UTP18: variants seen among roughly 807,000 people sequenced by gnomAD.
UTP18 encodes UTP18 small subunit processome component.
In UTP18, 36 loss-of-function variants were observed where a neutral mutation model predicts 61.1. The ratio of observed to expected loss-of-function variants is 0.59; its 90% CI spans 0.45 to 0.78. The LOEUF is 0.78. Ranked by LOEUF, UTP18 falls within the 30% of genes least tolerant of loss-of-function variation. The probability of loss-of-function intolerance (pLI) is 0.00; values close to 1 mark genes in which losing one functional copy is unlikely to be tolerated. For missense variants in UTP18, 753 were observed against 693.9 expected, an observed-to-expected ratio of 1.09 and a Z score of -0.96; for synonymous variants, 282 against 251.1, an observed-to-expected ratio of 1.12 and a Z score of -1.16.
At chr17:51,277,339 T>C in intron 7 of UTP18, 35 bp downstream of exon 7, 1 of 1,607,372 alleles carries the variant, frequency 6.2e-7, no homozygotes. Flanking sequence ...AACCAGTCAT[T>C]CCCCCCAAGG....
At chr17:51,273,475 T>A in intron 5 of UTP18, 25 bp downstream of exon 5, 2 of 1,574,342 alleles carry the variant, frequency 1.3e-6, no homozygotes, top group Non-Finnish European at 1.7e-6. Context: ...AGTTGGGGGA[T>A]CCTATCTAAC....
At chr17:51,292,903 T>C (rs1414753217) in intron 11 of UTP18, among the ~76,000 whole-genome samples, 1 of 152,256 alleles carries the variant, frequency 6.6e-6, no homozygotes, top group Admixed American at 6.5e-5. Flanking sequence ...TAGATTTTCA[T>C]GATTCAGCCC....
chr17:51,269,465 C>T (rs955618606), intron 4 of UTP18, among the ~76,000 whole-genome samples: 4 of 151,976 alleles, frequency 2.6e-5, no homozygotes, highest in African/African-American at 9.7e-5. Flanking sequence ...CTTGGAGTTA[C>T]ATGTTTTAGA....
chr17:51,269,048 A>G, intron 4 of UTP18, 144 bp downstream of exon 4: 1 of 757,936 alleles, frequency 1.3e-6, no homozygotes, highest in Non-Finnish European at 2.1e-6. Context: ...GTGCTTTGGG[A>G]GCCCGAGGCG....
In UTP18 at chr17:51,268,910, C is replaced by T. The variant is rs749813973; in HGVS notation, c.622+6C>T. 94 of 1,612,820 alleles carry T rather than the reference C, an allele frequency of 5.8e-5. No homozygotes were observed. Among genetic ancestry groups the T allele is most frequent in the Admixed American group, 1.0e-4 (6 of 59,994 alleles). Reference sequence around the variant, plus strand: ...GCGGAAAACATCTTCAGATGGTGAGCGTTGATATTTCTGTTTAAATTAGTA... The same window carrying T: ...GCGGAAAACATCTTCAGATGGTGAGTGTTGATATTTCTGTTTAAATTAGTA... On this transcript the variant is annotated splice_donor_region_variant and intron_variant, in intron 4 of 13. Transcript: ENST00000225298.
intron 11 of UTP18, 151 bp from the exon 12 acceptor site, chr17:51,293,752 A>G: frequency 2.0e-6 from 1 of 508,710 alleles, no homozygotes. Context: ...TTAATTTTGG[A>G]ACACTTTGCT....
chr17:51,276,131 C>A, intron 6 of UTP18, 140 bp downstream of exon 6: 1 of 800,716 alleles, frequency 1.2e-6, no homozygotes, highest in Non-Finnish European at 1.8e-6. Context: ...CTAAGTCTCA[C>A]AGAAGTGACA....
intron 1 of UTP18, among the ~76,000 whole-genome samples, chr17:51,263,000 T>G (rs542594850): frequency 6.6e-6 from 1 of 152,382 alleles, no homozygotes; most frequent in African/African-American, 2.4e-5. Context: ...TCTTTTGTTC[T>G]TGTCTTACTT....
At chr17:51,274,749 C>G (rs939918862) in intron 5 of UTP18, among the ~76,000 whole-genome samples, 1 of 151,796 alleles carries the variant, frequency 6.6e-6, no homozygotes, top group East Asian at 1.9e-4. Context: ...CCGCGCCCAG[C>G]GACATAGGTC....
rs1354437189 is a variant in UTP18, at chr17:51,283,449, T to C, written c.1205-1796T>C. Among the ~76,000 whole-genome samples, 3 of 152,290 alleles carry C rather than the reference T, an allele frequency of 2.0e-5. No homozygotes were observed. The East Asian group carries it at 5.8e-4, about 29-fold the overall frequency. ...TCCCAAAGTGCTGGGATTATAGGTG[T>C]GAGCCACTGCGTGTGCACCCTTTTC... On this transcript the variant is annotated intron_variant, in intron 9 of 13. Transcript: ENST00000225298.
Position 51,297,014 on chromosome 17 carries a change from C to T in UTP18, c.*14+11C>T, listed in dbSNP as rs767111503. 5.6e-6 allele frequency: 9 copies of T among 1,599,452 alleles called. No homozygotes were observed. Among genetic ancestry groups the T allele is most frequent in the Non-Finnish European group, 6.8e-6 (8 of 1,173,336 alleles). On this transcript the variant is annotated intron_variant, in intron 13 of 13. Transcript: ENST00000225298. ...AAGAGACTATTTGAAGTAAGAAAAC[C>T]CTTTTCTTACAAATTCTGCAGGTTT...
chr17:51,291,288 T>C (rs1264474791), intron 11 of UTP18, among the ~76,000 whole-genome samples: 11 of 152,162 alleles, frequency 7.2e-5, no homozygotes, highest in Admixed American at 7.2e-4. Flanking sequence ...ACAGCATAGT[T>C]TTAATCAGGT....
At chr17:51,282,588 TAGAG>T (rs1176316188) in intron 9 of UTP18, among the ~76,000 whole-genome samples, 1 of 151,028 alleles carries the variant, frequency 6.6e-6, no homozygotes, top group Non-Finnish European at 1.5e-5. Flanking sequence ...TTGGCCCTGG[TAGAG>T]AGAGAGTCGG....
chr17:51,263,456 C>T, intron 2 of UTP18, 70 bp downstream of exon 2: 1 of 1,147,260 alleles, frequency 8.7e-7, no homozygotes, highest in Non-Finnish European at 1.2e-6. Context: ...ATTTTAAAAT[C>T]ATTCTTTTTA....
intron 11 of UTP18, among the ~76,000 whole-genome samples, chr17:51,292,092 T>G (rs1168469331): frequency 6.6e-6 from 1 of 152,248 alleles, no homozygotes; most frequent in Non-Finnish European, 1.5e-5. Flanking sequence ...ATCACAAATT[T>G]ATATAATATC....
intron 12 of UTP18, among the ~76,000 whole-genome samples, chr17:51,295,089 G>C (rs1416796636): frequency 4.0e-5 from 6 of 151,852 alleles, no homozygotes; most frequent in Admixed American, 3.3e-4. Flanking sequence ...ATTGTAGATT[G>C]TGGATATTAG....
Position 51,266,229 on chromosome 17 carries a change from C to G in UTP18, c.503C>G (p.Ala168Gly), listed in dbSNP as rs1360734775. Residue 168 changes from alanine to glycine, a missense_variant, in exon 3 of 14, where the codon GCT becomes GGT. Ala to Gly is a moderately conservative substitution (Grantham distance 60). Coordinates refer to ENST00000225298, the MANE Select transcript of UTP18 (RefSeq NM_016001.3). The part of the protein sequence containing the change: ...NRFRKDMMKN[A>G]SESKLSKDNL... ...TTTCGGAAGGATATGATGAAAAATG[C>G]TAGTGAAAGTAAACTTTCGAAAGAC... 6.3e-7 allele frequency: 1 copy of G among 1,599,614 alleles called. No homozygotes were observed. Among genetic ancestry groups the G allele is most frequent in the African/African-American group, 1.3e-5 (1 of 74,124 alleles).
At chr17:51,272,091 T>TTTG (rs1226500646) in intron 4 of UTP18, among the ~76,000 whole-genome samples, 1 of 152,042 alleles carries the variant, frequency 6.6e-6, no homozygotes, top group Non-Finnish European at 1.5e-5. Context: ...CATAGTTTTT[T>TTTG]TTGTTGTTGT....
intron 1 of UTP18, among the ~76,000 whole-genome samples, chr17:51,262,575 C>T (rs142819417): frequency 6.6e-6 from 1 of 152,038 alleles, no homozygotes; most frequent in Non-Finnish European, 1.5e-5. Context: ...TCTTGTTGGT[C>T]ACAGATAAAT....
Sources: gnomAD v4.1 joint callset for allele counts (sites outside exome capture counted in the v4.1 genomes callset) on GRCh38, gnomAD v4.1.1 for gene constraint, MANE v1.5 for transcripts, NCBI Gene and HGNC (gene_info 2026-07-23, HGNC 2026-07-21) for gene names.